Variants in POU2F3 observed in about 807,000 individuals in gnomAD.
POU2F3 encodes POU class 2 homeobox 3.
A neutral mutation model predicts 59.2 loss-of-function variants in POU2F3; 23 were observed. That is an observed-to-expected ratio of 0.39 (90% CI 0.28 to 0.55). POU2F3 has a LOEUF of 0.55. Ranked by LOEUF, POU2F3 falls within the 20% of genes least tolerant of loss-of-function variation. The pLI, the probability that POU2F3 is intolerant of heterozygous loss-of-function variation, is 0.66. For missense variants in POU2F3, 473 were observed against 544.5 expected, an observed-to-expected ratio of 0.87 and a Z score of 1.31; for synonymous variants, 190 against 214.6, an observed-to-expected ratio of 0.89 and a Z score of 1.00.
chr11:120,257,532 C>T (rs909552992), intron 2 of POU2F3, among the ~76,000 whole-genome samples: 1 of 152,060 alleles, frequency 6.6e-6, no homozygotes, highest in Non-Finnish European at 1.5e-5. Flanking sequence ...GGCTCCTCCA[C>T]AAGGGTTTTT....
intron 1 of POU2F3, among the ~76,000 whole-genome samples, chr11:120,241,368 G>C (rs1222525881): frequency 1.3e-5 from 2 of 152,226 alleles, no homozygotes; most frequent in African/African-American, 4.8e-5. Flanking sequence ...CCAAGAAGCA[G>C]AGCAGGCCTG....
chr11:120,254,011 A>C (rs1179585919), intron 2 of POU2F3: 2 of 152,234 alleles, frequency 1.3e-5, no homozygotes, highest in Non-Finnish European at 2.9e-5. Flanking sequence ...CAGCATCCAG[A>C]GACTCAGGCC....
At chr11:120,311,027 A>T (rs1458300026) in intron 10 of POU2F3, among the ~76,000 whole-genome samples, 1 of 152,198 alleles carries the variant, frequency 6.6e-6, no homozygotes, top group African/African-American at 2.4e-5. Context: ...GAGGAATGAG[A>T]GGCAAATAAA....
At chr11:120,288,268 T>C (rs1464001760) in intron 3 of POU2F3, among the ~76,000 whole-genome samples, 1 of 152,114 alleles carries the variant, frequency 6.6e-6, no homozygotes, top group African/African-American at 2.4e-5. Context: ...TCTGAGTCAT[T>C]GACTAAATTA....
At chr11:120,302,556 C>T (rs562882331) in intron 6 of POU2F3, 188 bp downstream of exon 6, 6 of 568,568 alleles carry the variant, frequency 1.1e-5, no homozygotes, top group African/African-American at 7.6e-5. Context: ...TACCAAGTGT[C>T]ACTGGTGGGG....
chr11:120,276,835 C>T (rs910483785), intron 3 of POU2F3, among the ~76,000 whole-genome samples: 6 of 151,922 alleles, frequency 3.9e-5, no homozygotes, highest in African/African-American at 7.3e-5. Context: ...CAGATAGAGC[C>T]GGCAGAAAAC....
intron 1 of POU2F3, among the ~76,000 whole-genome samples, chr11:120,242,239 C>T (rs1938695352): frequency 6.6e-6 from 1 of 152,200 alleles, no homozygotes; most frequent in Admixed American, 6.5e-5. Flanking sequence ...GAGTTTAGGA[C>T]TTTCTGTCCC....
rs35692386 is a variant in POU2F3 at position 120,306,611 on chromosome 11, T to TCC, written c.769+832_769+833dup. ...CAGGGGGAGTGGTGGTGATGCAGAGTCCCCCCCGGTTGAGAACTGCCGGCC... is the reference window on the plus strand; with the variant it reads ...CAGGGGGAGTGGTGGTGATGCAGAGTCCCCCCCCCGGTTGAGAACTGCCGGCC... On this transcript the variant is annotated intron_variant, in intron 8 of 12. Coordinates refer to ENST00000543440, the MANE Select transcript of POU2F3 (RefSeq NM_014352.4). Among the ~76,000 whole-genome samples, 53 of 150,878 alleles carry TCC rather than the reference T, an allele frequency of 3.5e-4. No homozygotes were observed. In the East Asian group the frequency reaches 6.1e-3, roughly 17 times the overall value.
intron 3 of POU2F3, among the ~76,000 whole-genome samples, chr11:120,279,041 C>A (rs929786181): frequency 2.6e-5 from 4 of 152,070 alleles, no homozygotes; most frequent in Non-Finnish European, 1.5e-5. Context: ...GTTTAGCAAC[C>A]CTGTGAAGTA....
chr11:120,248,929 T>C (rs556998585), intron 2 of POU2F3, among the ~76,000 whole-genome samples: 1 of 152,354 alleles, frequency 6.6e-6, no homozygotes. Context: ...GGTTTGTCTC[T>C]GGGTTTTAAA....
At chr11:120,312,614 A>G (rs890056912) in intron 10 of POU2F3, among the ~76,000 whole-genome samples, 3 of 152,230 alleles carry the variant, frequency 2.0e-5, no homozygotes, top group Non-Finnish European at 4.4e-5. Flanking sequence ...GCAACATGAT[A>G]TTCATTCATT....
intron 2 of POU2F3, 98 bp from the exon 3 acceptor site, chr11:120,269,112 A>G (rs1476494275): frequency 1.1e-6 from 1 of 908,334 alleles, no homozygotes; most frequent in Non-Finnish European, 1.7e-6. Context: ...CTTTTTCAAA[A>G]TAGAGCCACA....
Position 120,317,537 on chromosome 11 carries a change from G to A in POU2F3, c.1271+173G>A, listed in dbSNP as rs1392788906. The stretch of plus-strand genomic sequence containing the variant: ...GACTGGACTTTATCCCTAGGGAGTG[G>A]AGATTTTAAAAAGAAGCTTCAGTCA... On this transcript the variant is annotated intron_variant, in intron 12 of 12. Coordinates refer to ENST00000543440, the MANE Select transcript of POU2F3 (RefSeq NM_014352.4). 2.6e-5 allele frequency among the ~76,000 whole-genome samples: 4 copies of A among 152,226 alleles called. No individual in the cohort carries two copies. The East Asian group carries it at 7.7e-4, about 29-fold the overall frequency.
intron 2 of POU2F3, 121 bp downstream of exon 2, chr11:120,246,638 C>A: frequency 1.0e-6 from 1 of 988,484 alleles, no homozygotes; most frequent in South Asian, 1.4e-5. Context: ...AAAGCTAGGT[C>A]TTAGGAACTA....
chr11:120,256,807 TAA>T (rs1171123134), intron 2 of POU2F3: 1 of 152,230 alleles, frequency 6.6e-6, no homozygotes, highest in Non-Finnish European at 1.5e-5. Flanking sequence ...CCAGAAGATC[TAA>T]AAGTCTTTTT....
At chr11:120,278,166 A>C (rs1000726959) in intron 3 of POU2F3, among the ~76,000 whole-genome samples, 5 of 152,324 alleles carry the variant, frequency 3.3e-5, no homozygotes, top group Non-Finnish European at 5.9e-5. Context: ...TTTTGGGCTT[A>C]TATGATTATA....
chr11:120,294,533 C>G (rs1402425819), intron 3 of POU2F3, among the ~76,000 whole-genome samples: 2 of 152,214 alleles, frequency 1.3e-5, no homozygotes, highest in East Asian at 3.9e-4. Flanking sequence ...TCAATGGGAT[C>G]CAACAGAAGT....
rs188702238 is a variant in POU2F3, at chr11:120,249,488, G to A, written c.97+2971G>A. On this transcript the variant is annotated intron_variant, in intron 2 of 12. Coordinates refer to ENST00000543440, the MANE Select transcript of POU2F3 (RefSeq NM_014352.4). ...GCCTCCCAGGTAGCTGGGACTACAGGCATGAGCCACCGCACCGGGACTTTT... is the reference window on the plus strand; with the variant it reads ...GCCTCCCAGGTAGCTGGGACTACAGACATGAGCCACCGCACCGGGACTTTT... Among the ~76,000 whole-genome samples the A allele has an allele frequency of 1.4e-4, 22 of 152,262 alleles. No homozygotes were observed. In the East Asian group the frequency reaches 3.7e-3, roughly 25 times the overall value.
intron 3 of POU2F3, among the ~76,000 whole-genome samples, chr11:120,291,733 GT>G (rs1941027168): frequency 6.6e-6 from 1 of 152,038 alleles, no homozygotes; most frequent in African/African-American, 2.4e-5. Flanking sequence ...AATGGGTCTT[GT>G]AACATAGCAA....
Sources: allele counts gnomAD v4.1 joint callset (sites outside exome capture counted in the v4.1 genomes callset), GRCh38; gene constraint gnomAD v4.1.1; transcripts MANE v1.5; gene names NCBI Gene and HGNC (gene_info 2026-07-23, HGNC 2026-07-21).